Variants in CPED1 observed in about 807,000 individuals in gnomAD.
CPED1 encodes the protein cadherin-like and PC-esterase domain-containing protein 1.
In CPED1, 114 loss-of-function variants were observed where a neutral mutation model predicts 128.2. The observed-to-expected ratio is 0.89, with a 90% CI of 0.76 to 1.04. CPED1 has a LOEUF of 1.04. CPED1 is among the 50% of genes least tolerant of loss of function. The pLI, the probability that CPED1 is intolerant of heterozygous loss-of-function variation, is 0.00. For synonymous variants in CPED1, 462 were observed against 426.7 expected (o/e 1.08, Z -1.02); for missense variants, 1,211 against 1,207.1 (o/e 1.00, Z -0.05).
intron 3 of CPED1, among the ~76,000 whole-genome samples, chr7:121,040,958 C>T (rs542134188): frequency 1.3e-5 from 2 of 152,058 alleles, no homozygotes; most frequent in South Asian, 2.1e-4. Context: ...TAAGTGTTTA[C>T]AGAAAATTTC....
intron 15 of CPED1, 78 bp downstream of exon 15, chr7:121,141,091 C>A: frequency 8.6e-7 from 1 of 1,156,536 alleles, no homozygotes; most frequent in Non-Finnish European, 1.2e-6. Flanking sequence ...GAAAGTGGTT[C>A]AGAAAAGCTG....
intron 2 of CPED1, among the ~76,000 whole-genome samples, chr7:121,010,441 G>A (rs980368576): frequency 6.6e-6 from 1 of 152,052 alleles, no homozygotes; most frequent in African/African-American, 2.4e-5. Flanking sequence ...TAGAGACAAG[G>A]TTTCACCACA....
At chr7:121,129,269 ATGTGTGTGTGTATATATG>A (rs1795587239) in intron 11 of CPED1, among the ~76,000 whole-genome samples, 1 of 142,648 alleles carries the variant, frequency 7.0e-6, no homozygotes, top group Non-Finnish European at 1.5e-5. Flanking sequence ...TAAAAAGTAT[ATGTGTGTGTGTATATATG>A]TATATATATA....
At chr7:121,155,309 C>G (rs1206592755) in intron 16 of CPED1, among the ~76,000 whole-genome samples, 1 of 152,094 alleles carries the variant, frequency 6.6e-6, no homozygotes. Flanking sequence ...AGATTCAGTG[C>G]AATCCCAATT....
intron 16 of CPED1, among the ~76,000 whole-genome samples, chr7:121,150,279 C>T (rs1275444808): frequency 1.3e-5 from 2 of 151,452 alleles, no homozygotes; most frequent in African/African-American, 4.9e-5. Flanking sequence ...TTATCTCCTA[C>T]TTATAAGTGA....
At chr7:121,110,021 G>A (rs911548811) in intron 7 of CPED1, among the ~76,000 whole-genome samples, 4 of 152,102 alleles carry the variant, frequency 2.6e-5, no homozygotes, top group Admixed American at 2.6e-4. Context: ...CACTGGATAT[G>A]CAGGAAAGAA....
chr7:121,215,457 T>G (rs941188407), intron 16 of CPED1, among the ~76,000 whole-genome samples: 1 of 152,066 alleles, frequency 6.6e-6, no homozygotes, highest in Non-Finnish European at 1.5e-5. Context: ...GTAAGAAAAT[T>G]AGATTCCAAG....
intron 3 of CPED1, among the ~76,000 whole-genome samples, chr7:121,020,219 AG>A (rs2116826787): frequency 6.6e-6 from 1 of 152,150 alleles, no homozygotes; most frequent in African/African-American, 2.4e-5. Flanking sequence ...TTATAACTTG[AG>A]GGTTTAACAT....
At chr7:121,093,283 AT>A (rs907280805) in intron 5 of CPED1, among the ~76,000 whole-genome samples, 13 of 151,442 alleles carry the variant, frequency 8.6e-5, no homozygotes, top group African/African-American at 2.4e-4. Flanking sequence ...ACATTCAACA[AT>A]TTTTTTTTAC....
intron 6 of CPED1, 85 bp from the exon 7 acceptor site, chr7:121,099,841 A>G (rs1794799769): frequency 7.2e-7 from 1 of 1,389,660 alleles, no homozygotes; most frequent in Non-Finnish European, 9.9e-7. Flanking sequence ...GGATAGAAGC[A>G]GTTTACAAAG....
chr7:121,155,858 T>C (rs1230110880), intron 16 of CPED1, among the ~76,000 whole-genome samples: 1 of 151,990 alleles, frequency 6.6e-6, no homozygotes, highest in Non-Finnish European at 1.5e-5. Flanking sequence ...ACAATCAGGA[T>C]TACATAAAGC....
rs1172996370 is a variant in CPED1 at position 121,295,585 on chromosome 7, G to A, written c.3014G>A (p.Gly1005Asp). The stretch of plus-strand genomic sequence containing the variant: ...TTTCGATCGCCATATCATGTCAGAG[G>A]TCCAATAAATCAGGTTTGTTCTGAA... ...TNFRSPYHVR[G>D]PINQVCSEIL... Residue 1005 changes from glycine to aspartate, a missense_variant, in exon 23 of 23, where the codon GGT becomes GAT. By Grantham distance (94) the Gly-to-Asp change is moderately conservative. Transcript: ENST00000310396. 6.2e-7 allele frequency: 1 copy of A among 1,614,032 alleles called. No homozygotes were observed. Among genetic ancestry groups the A allele is most frequent in the Non-Finnish European group, 8.5e-7 (1 of 1,179,958 alleles).
chr7:121,133,983 C>T, intron 13 of CPED1, 90 bp downstream of exon 13: 1 of 696,162 alleles, frequency 1.4e-6, no homozygotes. Flanking sequence ...CATTAGCAAT[C>T]AAAAATGAAA....
intron 22 of CPED1, among the ~76,000 whole-genome samples, chr7:121,277,649 G>C (rs916455244): frequency 6.6e-6 from 1 of 152,096 alleles, no homozygotes; most frequent in Non-Finnish European, 1.5e-5. Flanking sequence ...CCTCCTCTGA[G>C]ACGGCTTTGC....
intron 16 of CPED1, among the ~76,000 whole-genome samples, chr7:121,212,700 A>C (rs1797675727): frequency 6.6e-6 from 1 of 151,636 alleles, no homozygotes; most frequent in South Asian, 2.1e-4. Flanking sequence ...TCATTGGAAA[A>C]AAAAATGAAT....
intron 2 of CPED1, among the ~76,000 whole-genome samples, chr7:121,015,440 C>A (rs890100769): frequency 5.3e-5 from 8 of 152,164 alleles, no homozygotes. Context: ...ATTTTATGGC[C>A]TAAAATTTTC....
chr7:121,225,482 C>T (rs1016087361), intron 16 of CPED1, among the ~76,000 whole-genome samples: 3 of 152,092 alleles, frequency 2.0e-5, no homozygotes, highest in African/African-American at 7.2e-5. Flanking sequence ...TGAGGAGTAT[C>T]TTTGTGGTGA....
intron 3 of CPED1, among the ~76,000 whole-genome samples, chr7:121,026,481 T>G (rs991029641): frequency 6.6e-6 from 1 of 152,136 alleles, no homozygotes; most frequent in African/African-American, 2.4e-5. Context: ...AATTAGGCAT[T>G]CAATACTTCC....
chr7:121,055,386 TTC>T (rs1234305771), intron 4 of CPED1, among the ~76,000 whole-genome samples: 1 of 151,950 alleles, frequency 6.6e-6, no homozygotes, highest in African/African-American at 2.4e-5. Flanking sequence ...ATTTCCTGCC[TTC>T]AGGGTTACTT....
Sources: gnomAD v4.1 joint callset for allele counts (sites outside exome capture counted in the v4.1 genomes callset) on GRCh38, gnomAD v4.1.1 for gene constraint, MANE v1.5 for transcripts, NCBI Gene and HGNC (gene_info 2026-07-23, HGNC 2026-07-21) for gene names.